The following HSPG2 variants were observed in gnomAD, a reference collection of about 807,000 sequenced individuals.
HSPG2 encodes the protein heparan sulfate proteoglycan 2, also known as basement membrane-specific heparan sulfate proteoglycan core protein.
In HSPG2, 278 loss-of-function variants were observed where a neutral mutation model predicts 526.6. That is an observed-to-expected ratio of 0.53 (90% CI 0.48 to 0.58). HSPG2 has a LOEUF of 0.58. HSPG2 is among the 20% of genes least tolerant of loss of function. The pLI is 0.00. For synonymous variants in HSPG2, 2,465 were observed against 2,555.4 expected, an observed-to-expected ratio of 0.96 and a Z score of 1.07; for missense variants, 5,354 against 6,099.5, an observed-to-expected ratio of 0.88 and a Z score of 4.07.
At chr1:21,874,246 G>A (rs536906165) in intron 28 of HSPG2, among the ~76,000 whole-genome samples, 160 bp downstream of exon 28, 20 of 152,202 alleles carry the variant, frequency 1.3e-4, no homozygotes, top group Non-Finnish European at 2.2e-4. Context: ...AGGCAGCTGA[G>A]GCCCTGAAAG....
In HSPG2 at chr1:21,839,912, T is replaced by C; in HGVS notation, c.9619A>G (p.Met3207Val). 2 of 1,614,164 alleles carry C rather than the reference T, an allele frequency of 1.2e-6. No individual in the cohort carries two copies. The highest frequency in any genetic ancestry group is 2.2e-5 in the South Asian group (2 of 91,088). ...QVEVIVDTGA[M>V]APGAPQVQAE... The stretch of plus-strand genomic sequence containing the variant: ...TGGACCTGAGGGGCCCCTGGGGCCA[T>C]GGCGCCCGTGTCCACGATCACCTCC... Residue 3207 changes from methionine (M) to valine (V), a missense_variant, in exon 72 of 97, where the codon ATG becomes GTG. Met to Val is a conservative substitution (Grantham distance 21). Transcript: ENST00000374695. This position sits in a 1 kb window ranked among gnomAD's most constrained non-coding sequence, Gnocchi z 4.5.
chr1:21,905,497 A>G (rs544662210), intron 1 of HSPG2, among the ~76,000 whole-genome samples: 18 of 152,210 alleles, frequency 1.2e-4, no homozygotes, highest in African/African-American at 4.1e-4. Context: ...ATCCCAGCAC[A>G]TTGGGAGGCC....
chr1:21,831,944 T>C (rs2098006213), intron 81 of HSPG2, 148 bp from the exon 82 acceptor site: 1 of 829,580 alleles, frequency 1.2e-6, no homozygotes, highest in Non-Finnish European at 1.8e-6. Flanking sequence ...TTCCTGTCCC[T>C]GTCTTGTCGT....
In HSPG2 at chr1:21,881,513, C is replaced by T; in HGVS notation, c.1655-11G>A. On this transcript the variant is annotated splice_polypyrimidine_tract_variant and intron_variant, in intron 13 of 96. Transcript: ENST00000374695. ...TTGTCACATTCACACCTGTGGGTGG[C>T]AAGGGGGAGGCTGAGGGCTGCAGCC... 6.2e-7 allele frequency: 1 copy of T among 1,607,822 alleles called. No homozygotes were observed. Among genetic ancestry groups the T allele is most frequent in the South Asian group, 1.1e-5 (1 of 90,916 alleles).
chr1:21,832,595 A>G lies in HSPG2; in HGVS notation c.11107T>C (p.Tyr3703His), dbSNP rs2098009345. 1.9e-6 allele frequency: 3 copies of G among 1,613,950 alleles called. No homozygotes were observed. In the East Asian group the frequency reaches 6.7e-5, roughly 36 times the overall value. ...RPDSADGMLLYNGQKRVPGSP... is the reference protein window; with the variant it reads ...RPDSADGMLLHNGQKRVPGSP... Reference sequence around the variant, plus strand: ...CCTGGGACTCGCTTCTGCCCATTGTACAGCAGCATCCCTGGGTGGGCACCA... The same window carrying G: ...CCTGGGACTCGCTTCTGCCCATTGTGCAGCAGCATCCCTGGGTGGGCACCA... Residue 3703 changes from tyrosine to histidine, a missense_variant, in exon 81 of 97, where the codon TAC becomes CAC. Transcript: ENST00000374695.
At chr1:21,888,596 G>C (rs533269935) in intron 6 of HSPG2, 2 of 1,176,626 alleles carry the variant, frequency 1.7e-6, no homozygotes, top group African/African-American at 1.6e-5. Context: ...GTGAGCCCCT[G>C]CACCCGGCCT....
intron 44 of HSPG2, 145 bp downstream of exon 44, chr1:21,856,870 C>A: frequency 1.2e-6 from 1 of 852,778 alleles, no homozygotes; most frequent in South Asian, 1.4e-5. Flanking sequence ...ATGCTTCTCT[C>A]CCCTGCTTCT....
At position 21,895,686 on chromosome 1, in the gene HSPG2, A is replaced by G. The variant is rs1280900284; in HGVS notation, c.244+236T>C. ...CAGCAGAACTGGGCTTTACCTGCCC[A>G]GTGCCCTGATACCTGTGCCTGTGGC... On this transcript the variant is annotated intron_variant, in intron 3 of 96. Transcript: ENST00000374695. The surrounding 1 kb of genome is among the most constrained non-coding windows in gnomAD (Gnocchi z 4.1). Among the ~76,000 whole-genome samples, 1 of 152,208 alleles carries G rather than the reference A, an allele frequency of 6.6e-6. No homozygotes were observed. The highest frequency in any genetic ancestry group is 1.5e-5 in the Non-Finnish European group (1 of 68,032).
intron 96 of HSPG2, 39 bp downstream of exon 96, chr1:21,823,577 C>T (rs766378393): frequency 8.7e-6 from 14 of 1,609,322 alleles, no homozygotes; most frequent in East Asian, 6.7e-5. Context: ...AAGGGAGTGC[C>T]GTTCCTGCCC....
At chr1:21,835,485 G>T in intron 76 of HSPG2, 55 bp downstream of exon 76, 1 of 1,173,020 alleles carries the variant, frequency 8.5e-7, no homozygotes. Context: ...GTGCCTCTCT[G>T]CCTTTCTCAT....
chr1:21,824,591 G>A lies in HSPG2; in HGVS notation c.12690C>T (p.Ile4230=), dbSNP rs1572129782. The A allele has an allele frequency of 2.5e-6, 4 of 1,614,056 alleles. No individual in the cohort carries two copies. Among genetic ancestry groups the A allele is most frequent in the South Asian group, 2.2e-5 (2 of 91,088 alleles). Residue 4230 remains isoleucine, a synonymous_variant, in exon 93 of 97, where the codon ATC becomes ATT. Coordinates refer to ENST00000374695, the MANE Select transcript of HSPG2 (RefSeq NM_005529.7). The surrounding 1 kb of genome is among the most constrained non-coding windows in gnomAD (Gnocchi z 5.9). ...SRSLPEVPET[I]ELEVRTSTAS... is the part of the protein sequence containing the mutation. ...CTGTGCTGGTCCGAACCTCCAGCTC[G>A]ATGGTCTCGGGCACCTCGGGCAGGC... is the stretch of plus-strand genomic sequence containing the variant.
At position 21,847,797 on chromosome 1, in the gene HSPG2, G is replaced by C. The variant is rs776452736; in HGVS notation, c.7917C>G (p.Pro2639=). The part of the protein sequence containing the change: ...SPPIRIESSS[P]TVVEGQTLDL... ...CCAAGGTCTGCCCTTCCACCACCGT[G>C]GGGGAAGACGACTCGATCCTGATCG... The change falls in exon 61 of 97, where the codon CCC becomes CCG. Residue 2639 remains proline, a synonymous_variant. Coordinates refer to ENST00000374695, the MANE Select transcript of HSPG2 (RefSeq NM_005529.7). The surrounding 1 kb of genome is among the most constrained non-coding windows in gnomAD (Gnocchi z 4.1). The C allele has an allele frequency of 6.2e-7, 1 of 1,613,802 alleles. No homozygotes were observed. The highest frequency in any genetic ancestry group is 8.5e-7 in the Non-Finnish European group (1 of 1,179,978).
At position 21,885,417 on chromosome 1, in the gene HSPG2, T is replaced by C. The variant is rs756028007; in HGVS notation, c.1113A>G (p.Thr371=). 42 of 1,613,936 alleles carry C rather than the reference T, an allele frequency of 2.6e-5. 1 individual carries two copies. Among genetic ancestry groups the C allele is most frequent in the Admixed American group, 2.3e-4 (14 of 59,994 alleles). Reference sequence around the variant, plus strand: ...TGTTGGTAGAGACGCATCGGAACTGTGTGGGCCCGCACACTTCCTCAGGAC... The same window carrying C: ...TGTTGGTAGAGACGCATCGGAACTGCGTGGGCCCGCACACTTCCTCAGGAC... ...TKRPEEVCGP[T]QFRCVSTNMC... Residue 371 remains threonine, a synonymous_variant, in exon 10 of 97, where the codon ACA becomes ACG. Transcript: ENST00000374695.
Position 21,887,231 on chromosome 1 carries a change from A to T in HSPG2, c.1062T>A (p.Thr354=). The change falls in exon 9 of 97, where the codon ACT becomes ACA. Residue 354 remains threonine, a synonymous_variant. Coordinates refer to ENST00000374695, the MANE Select transcript of HSPG2 (RefSeq NM_005529.7). This position sits in a 1 kb window ranked among gnomAD's most constrained non-coding sequence, Gnocchi z 5.0. ...CDGDFDCEDR[T]DEANCPTKRP... ...GATACTCACGGCAGTTGGCTTCATC[A>T]GTTCGGTCCTCACAGTCAAAGTCAC... 6.2e-7 allele frequency: 1 copy of T among 1,613,490 alleles called. No homozygotes were observed. The highest frequency in any genetic ancestry group is 8.5e-7 in the Non-Finnish European group (1 of 1,179,796).
chr1:21,932,873 T>C (rs571185412), intron 1 of HSPG2, among the ~76,000 whole-genome samples: 1 of 152,200 alleles, frequency 6.6e-6, no homozygotes, highest in African/African-American at 2.4e-5. Flanking sequence ...GGGACCAGCC[T>C]GGGCAATACA....
intron 13 of HSPG2, among the ~76,000 whole-genome samples, chr1:21,883,658 T>C (rs987409838): frequency 2.0e-5 from 3 of 152,152 alleles, no homozygotes; most frequent in Non-Finnish European, 4.4e-5. Flanking sequence ...CATTTTTAGG[T>C]TCCTCAACCA....
Position 21,887,007 on chromosome 1 carries a change from C to T in HSPG2, c.1078+208G>A, listed in dbSNP as rs547317543. Among the ~76,000 whole-genome samples the T allele has an allele frequency of 7.9e-4, 120 of 152,288 alleles. 1 individual carries two copies. The highest frequency in any genetic ancestry group is 2.4e-5 in the African/African-American group (1 of 41,554). On this transcript the variant is annotated intron_variant, in intron 9 of 96. Transcript: ENST00000374695. The surrounding 1 kb of genome is among the most constrained non-coding windows in gnomAD (Gnocchi z 5.0). ...CAAAGGCCAGCTCAGGGCCAAGGGG[C>T]CTTACGGCTCTGGTTAGAGATAAAC... is the stretch of plus-strand genomic sequence containing the variant.
At chr1:21,896,128 G>C (rs1487759540) in intron 2 of HSPG2, 47 bp downstream of exon 2, 2 of 1,613,016 alleles carry the variant, frequency 1.2e-6, no homozygotes, top group Non-Finnish European at 8.5e-7. Context: ...AAGAAGCACA[G>C]TCTCACCCCC....
In HSPG2 at chr1:21,904,604, G is replaced by A. The variant is rs1365285504; in HGVS notation, c.64-8294C>T. Among the ~76,000 whole-genome samples, 6 of 152,216 alleles carry A rather than the reference G, an allele frequency of 3.9e-5. No homozygotes were observed. Among genetic ancestry groups the A allele is most frequent in the African/African-American group, 1.2e-4 (5 of 41,458 alleles). Reference sequence around the variant, plus strand: ...GTCTCCCCTGGTGGCTGAATGAGCTGCCTGCCAGCTTACAGGGAACCAGGA... The same window carrying A: ...GTCTCCCCTGGTGGCTGAATGAGCTACCTGCCAGCTTACAGGGAACCAGGA... On this transcript the variant is annotated intron_variant, in intron 1 of 96. Coordinates refer to ENST00000374695, the MANE Select transcript of HSPG2 (RefSeq NM_005529.7). The surrounding 1 kb of genome is among the most constrained non-coding windows in gnomAD (Gnocchi z 4.4).
Sources: gnomAD v4.1 joint callset for allele counts (sites outside exome capture counted in the v4.1 genomes callset) on GRCh38, gnomAD v4.1.1 for gene constraint, Gnocchi (gnomAD v3.1) non-coding constraint, MANE v1.5 for transcripts, NCBI Gene and HGNC (gene_info 2026-07-23, HGNC 2026-07-21) for gene names.